Variants in DLG2 observed in about 807,000 individuals in gnomAD.
The protein encoded by DLG2 is disks large homolog 2.
A neutral mutation model predicts 132.5 loss-of-function variants in DLG2; 45 were observed. The observed-to-expected ratio is 0.34, with a 90% confidence interval of 0.27 to 0.44. DLG2 has a LOEUF of 0.44. Ranked by LOEUF, DLG2 falls within the 20% of genes least tolerant of loss-of-function variation. The pLI, the probability that DLG2 is intolerant of heterozygous loss-of-function variation, is 1.00. For synonymous variants in DLG2, 424 were observed against 419.6 expected, an observed-to-expected ratio of 1.01 and a Z score of -0.13; for missense variants, 1,045 against 1,196.9, an observed-to-expected ratio of 0.87 and a Z score of 1.87.
chr11:85,620,779 T>C lies in DLG2; in HGVS notation c.-93+5808A>G, dbSNP rs112291482. 1.4e-3 allele frequency among the ~76,000 whole-genome samples: 214 copies of C among 152,294 alleles called. 2 individuals are homozygous for C. Among genetic ancestry groups the C allele is most frequent in the African/African-American group, 4.8e-3 (201 of 41,568 alleles). On this transcript the variant is annotated intron_variant, in intron 2 of 27. Transcript: ENST00000376104. ...CTGGAAGCCAGCAAAGGTTGGTTCA[T>C]GAGGTGAAAGGAAAGAAGTCATCTT...
At chr11:84,089,232 C>T (rs1413725282) in intron 10 of DLG2, among the ~76,000 whole-genome samples, 2 of 152,078 alleles carry the variant, frequency 1.3e-5, no homozygotes, top group African/African-American at 2.4e-5. Flanking sequence ...GACTGTGATG[C>T]CTGGAAGTTA....
At chr11:84,218,832 A>C (rs2096875085) in intron 8 of DLG2, among the ~76,000 whole-genome samples, 1 of 152,230 alleles carries the variant, frequency 6.6e-6, no homozygotes, top group African/African-American at 2.4e-5. Flanking sequence ...AAGCTGCTAA[A>C]CATTCTACAG....
At chr11:85,137,132 C>T (rs1275056328) in intron 5 of DLG2, among the ~76,000 whole-genome samples, 1 of 151,944 alleles carries the variant, frequency 6.6e-6, no homozygotes, top group Non-Finnish European at 1.5e-5. Context: ...ACAGTCTTAT[C>T]TATAATGGAG....
chr11:84,896,871 C>G (rs1441320583), intron 6 of DLG2, among the ~76,000 whole-genome samples: 3 of 150,958 alleles, frequency 2.0e-5, no homozygotes, highest in Non-Finnish European at 4.4e-5. Flanking sequence ...GTATGCATAG[C>G]TGGAAAAAAA....
chr11:84,334,226 T>G (rs1414736874), intron 7 of DLG2, among the ~76,000 whole-genome samples: 3 of 152,244 alleles, frequency 2.0e-5, no homozygotes, highest in Admixed American at 6.5e-5. Flanking sequence ...GGAAAGCTAT[T>G]GTCAAAATGT....
Position 84,564,862 on chromosome 11 carries a change from T to C in DLG2, c.358-30131A>G, listed in dbSNP as rs370193491. Among the ~76,000 whole-genome samples the C allele has an allele frequency of 2.9e-3, 443 of 152,322 alleles. 4 individuals carry two copies. Among genetic ancestry groups the C allele is most frequent in the Non-Finnish European group, 5.4e-3 (366 of 68,038 alleles). ...CTGTGTTTGCACATTCTGTCCAATTTAGTAATAATATGACAGTGCAACATG... is the reference window on the plus strand; with the variant it reads ...CTGTGTTTGCACATTCTGTCCAATTCAGTAATAATATGACAGTGCAACATG... On this transcript the variant is annotated intron_variant, in intron 6 of 27. Transcript: ENST00000376104.
intron 4 of DLG2, among the ~76,000 whole-genome samples, chr11:85,223,182 T>G (rs937529114): frequency 2.6e-5 from 4 of 152,210 alleles, no homozygotes; most frequent in Non-Finnish European, 5.9e-5. Context: ...AAGAACCATT[T>G]AGGGTTTTTA....
intron 6 of DLG2, among the ~76,000 whole-genome samples, chr11:84,878,528 G>C (rs1403225872): frequency 6.6e-6 from 1 of 152,084 alleles, no homozygotes; most frequent in East Asian, 1.9e-4. Flanking sequence ...GACACAGGGA[G>C]GGGGACATCA....
At chr11:84,522,879 T>C (rs2099308779) in intron 7 of DLG2, among the ~76,000 whole-genome samples, 1 of 152,218 alleles carries the variant, frequency 6.6e-6, no homozygotes, top group Admixed American at 6.5e-5. Flanking sequence ...TTCCAATATC[T>C]TCCATCACTA....
chr11:83,642,513 G>C (rs2066870577), intron 18 of DLG2, among the ~76,000 whole-genome samples: 1 of 152,104 alleles, frequency 6.6e-6, no homozygotes, highest in African/African-American at 2.4e-5. Flanking sequence ...AAGTTTTATA[G>C]GCAAATAACA....
intron 6 of DLG2, among the ~76,000 whole-genome samples, chr11:85,024,810 G>A (rs1262188428): frequency 6.6e-6 from 1 of 152,014 alleles, no homozygotes; most frequent in South Asian, 2.1e-4. Flanking sequence ...ATATTTTCAG[G>A]TCTCTCAGTT....
chr11:84,942,859 T>C (rs1180664556), intron 6 of DLG2, among the ~76,000 whole-genome samples: 1 of 152,196 alleles, frequency 6.6e-6, no homozygotes, highest in East Asian at 1.9e-4. Context: ...TTTTTCCCTC[T>C]CTTTGGCTTT....
chr11:84,846,989 C>A (rs1450058163), intron 6 of DLG2, among the ~76,000 whole-genome samples: 1 of 152,050 alleles, frequency 6.6e-6, no homozygotes, highest in Non-Finnish European at 1.5e-5. Flanking sequence ...TGAGTGCAGT[C>A]CCAGCTGCTA....
chr11:84,576,762 C>A (rs1301762356), intron 6 of DLG2, among the ~76,000 whole-genome samples: 2 of 152,156 alleles, frequency 1.3e-5, no homozygotes, highest in Non-Finnish European at 2.9e-5. Flanking sequence ...GCAAATGACA[C>A]AAAGAATCTA....
intron 6 of DLG2, among the ~76,000 whole-genome samples, chr11:84,921,446 T>C (rs1185031830): frequency 1.3e-5 from 2 of 152,182 alleles, no homozygotes; most frequent in Non-Finnish European, 2.9e-5. Context: ...GTAATCTGAA[T>C]TTAGTTAAGA....
intron 7 of DLG2, among the ~76,000 whole-genome samples, chr11:84,475,528 G>A (rs1019553084): frequency 7.9e-5 from 12 of 152,080 alleles, no homozygotes; most frequent in African/African-American, 2.9e-4. Context: ...CTCTTTGCCA[G>A]TGGGTGTGTT....
chr11:84,563,078 G>T (rs556947329), intron 6 of DLG2, among the ~76,000 whole-genome samples: 1 of 152,294 alleles, frequency 6.6e-6, no homozygotes, highest in African/African-American at 2.4e-5. Context: ...TTTATCTTGA[G>T]TAACGTTTCT....
intron 6 of DLG2, among the ~76,000 whole-genome samples, chr11:84,893,569 A>C (rs1260556470): frequency 5.3e-5 from 8 of 152,164 alleles, no homozygotes. Context: ...AGAGTCTGAA[A>C]GTTTACTCAG....
chr11:85,235,321 G>A (rs918207994), intron 4 of DLG2, among the ~76,000 whole-genome samples: 13 of 151,794 alleles, frequency 8.6e-5, no homozygotes, highest in African/African-American at 3.1e-4. Flanking sequence ...AATACAGATG[G>A]GCTTATATTG....
Sources: allele counts gnomAD v4.1 joint callset (sites outside exome capture counted in the v4.1 genomes callset), GRCh38; gene constraint gnomAD v4.1.1; transcripts MANE v1.5; gene names NCBI Gene and HGNC (gene_info 2026-07-23, HGNC 2026-07-21).